Variants in KIFC3 observed in about 807,000 individuals in gnomAD.
KIFC3 encodes kinesin-like protein KIFC3.
A neutral mutation model predicts 101.8 loss-of-function variants in KIFC3; 60 were observed. That is an observed-to-expected ratio of 0.59 (90% CI 0.48 to 0.73). The LOEUF (loss-of-function observed/expected upper bound fraction) is 0.73. Ranked by LOEUF, KIFC3 falls within the 30% of genes least tolerant of loss-of-function variation. The pLI is 0.00. For missense variants in KIFC3, 966 were observed against 1,137.1 expected (o/e 0.85, Z 2.16); for synonymous variants, 476 against 482.7 (o/e 0.99, Z 0.18).
chr16:57,775,402 T>C, intron 3 of KIFC3: 6 of 1,050,592 alleles, frequency 5.7e-6, no homozygotes, highest in Non-Finnish European at 6.9e-6. Context: ...CCGTGGCAGG[T>C]GGTTGGCCAG....
intron 1 of KIFC3, among the ~76,000 whole-genome samples, chr16:57,847,270 G>GGAAGGAAGGAA (rs1394728645): frequency 8.7e-6 from 1 of 115,558 alleles, no homozygotes; most frequent in Non-Finnish European, 1.8e-5. Context: ...AAGGAAGGAA[G>GGAAGGAAGGAA]GGAAGGGAGG....
intron 1 of KIFC3, among the ~76,000 whole-genome samples, chr16:57,843,251 A>T (rs1232428411): frequency 6.6e-6 from 1 of 152,216 alleles, no homozygotes; most frequent in East Asian, 1.9e-4. Flanking sequence ...TATTTCAGAC[A>T]AAAGGATTTT....
At chr16:57,801,800 G>T (rs1394303250) in intron 1 of KIFC3, among the ~76,000 whole-genome samples, 9 of 152,272 alleles carry the variant, frequency 5.9e-5, no homozygotes, top group African/African-American at 1.9e-4. Context: ...GGGCTTAAAG[G>T]GGTGGTCCTG....
At chr16:57,812,211 T>G (rs2055101190) in intron 1 of KIFC3, among the ~76,000 whole-genome samples, 1 of 151,736 alleles carries the variant, frequency 6.6e-6, no homozygotes, top group Non-Finnish European at 1.5e-5. Context: ...CCCGGCTAAT[T>G]TTTTGTATTT....
chr16:57,762,543 A>G (rs1161139039), intron 12 of KIFC3, among the ~76,000 whole-genome samples: 3 of 152,140 alleles, frequency 2.0e-5, no homozygotes, highest in Admixed American at 1.3e-4. Context: ...GACCCCACAC[A>G]GGGCAGCTGA....
At chr16:57,795,734 G>A (rs916617837) in intron 2 of KIFC3, among the ~76,000 whole-genome samples, 9 of 152,060 alleles carry the variant, frequency 5.9e-5, no homozygotes, top group African/African-American at 1.9e-4. Context: ...CCACCTGCAG[G>A]GCTGAACAGG....
chr16:57,828,337 G>A (rs1418242418), intron 1 of KIFC3, among the ~76,000 whole-genome samples: 13 of 152,258 alleles, frequency 8.5e-5, no homozygotes, highest in African/African-American at 2.2e-4. Context: ...ATGGTAGACC[G>A]GGACTCGGCC....
chr16:57,782,773 G>A (rs182016347), intron 3 of KIFC3, among the ~76,000 whole-genome samples: 186 of 152,236 alleles, frequency 1.2e-3, no homozygotes, highest in Non-Finnish European at 2.0e-3. Flanking sequence ...GTGAAACCCC[G>A]TCTCTACTGA....
At chr16:57,806,419 C>T (rs552572874), upstream of KIFC3, among the ~76,000 whole-genome samples, 6 of 152,232 alleles carry the variant, frequency 3.9e-5, no homozygotes, top group South Asian at 6.2e-4. Context: ...CACCAGCAGG[C>T]GGGCTCAACT....
chr16:57,854,797 G>T (rs1336915275), intron 1 of KIFC3, among the ~76,000 whole-genome samples: 3 of 152,028 alleles, frequency 2.0e-5, no homozygotes, highest in African/African-American at 7.2e-5. Context: ...AAATTTAAAA[G>T]AAATTAAATC....
chr16:57,856,930 T>C (rs1053903005), intron 1 of KIFC3, among the ~76,000 whole-genome samples: 1 of 152,236 alleles, frequency 6.6e-6, no homozygotes, highest in Non-Finnish European at 1.5e-5. Flanking sequence ...TAGGTCCAGA[T>C]GGTTTTACTG....
At position 57,802,433 on chromosome 16, in the gene KIFC3, G is replaced by A. The variant is rs1244632604; in HGVS notation, c.-103C>T. 4 of 982,724 alleles carry A rather than the reference G, an allele frequency of 4.1e-6. No homozygotes were observed. Among genetic ancestry groups the A allele is most frequent in the Non-Finnish European group, 3.6e-6 (3 of 828,934 alleles). The allele number at this position is 982,724 out of a possible 1,614,324, so 60.9% of individuals were successfully genotyped here. ...CCCGGGGCTCGGCCCGGCCCGGCCC[G>A]CCGGCAGGAGGCAGCTCCACGCCGC... On this transcript the variant is annotated 5_prime_UTR_variant, in exon 1 of 20. Coordinates refer to ENST00000445690, the MANE Select transcript of KIFC3 (RefSeq NM_001130100.2). The surrounding 1 kb of genome is among the most constrained non-coding windows in gnomAD (Gnocchi z 5.0).
chr16:57,799,230 A>G (rs529558949), intron 1 of KIFC3, among the ~76,000 whole-genome samples: 1 of 152,356 alleles, frequency 6.6e-6, no homozygotes, highest in East Asian at 1.9e-4. Context: ...ACTGTGTGCA[A>G]AGCAACCTTG....
At chr16:57,841,041 T>C (rs1465809426) in intron 1 of KIFC3, among the ~76,000 whole-genome samples, 1 of 152,210 alleles carries the variant, frequency 6.6e-6, no homozygotes, top group Non-Finnish European at 1.5e-5. Flanking sequence ...CTTCAGCAAA[T>C]ATTTGCACAC....
chr16:57,853,741 C>G lies in KIFC3; in HGVS notation c.108+8988G>C, dbSNP rs185004969. On this transcript the variant is annotated intron_variant, in intron 1 of 2. Transcript: ENST00000563028. ...CCACCTCCCAGGTTCAAGCAATTCT[C>G]CTGTCTCAGCCTCCTGAGTAGCTGG... Among the ~76,000 whole-genome samples, 196 of 152,312 alleles carry G rather than the reference C, an allele frequency of 1.3e-3. 1 individual carries two copies. Among genetic ancestry groups the G allele is most frequent in the African/African-American group, 4.4e-3 (181 of 41,576 alleles).
At chr16:57,808,372 G>A (rs1331749286) in intron 1 of KIFC3, among the ~76,000 whole-genome samples, 11 of 151,104 alleles carry the variant, frequency 7.3e-5, no homozygotes, top group Admixed American at 3.3e-4. Context: ...TCCAGAAGCC[G>A]CCGGGCTCCT....
rs2053977007 is a variant in KIFC3 at position 57,792,766 on chromosome 16, C to A, written c.315+2233G>T. The stretch of plus-strand genomic sequence containing the variant: ...AGGTGTGGTGGCACATGCCAGTAGT[C>A]CCAGCTACTCAGGAGGCTGAGGTGA... On this transcript the variant is annotated intron_variant, in intron 3 of 19. Coordinates refer to ENST00000445690, the MANE Select transcript of KIFC3 (RefSeq NM_001130100.2). Among the ~76,000 whole-genome samples the A allele has an allele frequency of 3.4e-5, 5 of 147,826 alleles. 1 individual carries two copies. The highest frequency in any genetic ancestry group is 2.7e-4 in the Admixed American group (4 of 14,708).
Position 57,765,551 on chromosome 16 carries a change from C to T in KIFC3, c.1420G>A (p.Asp474Asn), listed in dbSNP as rs372355077. 3.1e-6 allele frequency: 5 copies of T among 1,604,384 alleles called. No individual in the cohort carries two copies. Among genetic ancestry groups the T allele is most frequent in the Admixed American group, 1.7e-5 (1 of 58,762 alleles). ...EATNAVTFDA[D>N]DDSIIHLLHK... ...AGCAGGTGGATGATGGAGTCGTCGT[C>T]GGCATCGAAAGTCACAGCATTGGTG... The change falls in exon 11 of 20, where the codon GAC becomes AAC. Residue 474 changes from aspartate (D) to asparagine (N), a missense_variant. By Grantham distance (23) the Asp-to-Asn change is conservative. Coordinates refer to ENST00000445690, the MANE Select transcript of KIFC3 (RefSeq NM_001130100.2).
chr16:57,808,014 T>G (rs1419115175), upstream of KIFC3: 1 of 142,338 alleles, frequency 7.0e-6, no homozygotes, highest in Non-Finnish European at 1.5e-5. Flanking sequence ...AAAATCCAAA[T>G]GGTGGCTGCC....
Sources: allele counts gnomAD v4.1 joint callset (sites outside exome capture counted in the v4.1 genomes callset), GRCh38; gene constraint gnomAD v4.1.1; non-coding constraint Gnocchi (gnomAD v3.1); transcripts MANE v1.5; gene names NCBI Gene and HGNC (gene_info 2026-07-23, HGNC 2026-07-21).